Variants in TBC1D23 observed in about 807,000 individuals in gnomAD.
The protein encoded by TBC1D23 is HCV non-structural protein 4A-transactivated protein 1.
TBC1D23 carries 55 observed loss-of-function variants against 91.4 expected under a neutral mutation model. That is an observed-to-expected ratio of 0.60 (90% CI 0.48 to 0.75). The LOEUF (loss-of-function observed/expected upper bound fraction) is 0.75. TBC1D23 is among the 30% of genes least tolerant of loss of function. The pLI is 0.00. For synonymous variants in TBC1D23, 289 were observed against 281.0 expected (o/e 1.03, Z -0.28); for missense variants, 725 against 836.1 (o/e 0.87, Z 1.64).
At chr3:100,274,865 A>G (rs1015573395) in intron 1 of TBC1D23, among the ~76,000 whole-genome samples, 1 of 149,240 alleles carries the variant, frequency 6.7e-6, no homozygotes, top group Non-Finnish European at 1.5e-5. Context: ...TTTGTTTATT[A>G]ATTACATATA....
At chr3:100,295,924 A>C (rs1665286186) in intron 7 of TBC1D23, among the ~76,000 whole-genome samples, 1 of 152,220 alleles carries the variant, frequency 6.6e-6, no homozygotes, top group Admixed American at 6.5e-5. Context: ...TAATAAATAA[A>C]TCATAGAATT....
At chr3:100,266,723 C>T (rs1333060119) in intron 1 of TBC1D23, among the ~76,000 whole-genome samples, 4 of 152,088 alleles carry the variant, frequency 2.6e-5, no homozygotes, top group African/African-American at 7.2e-5. Context: ...TGCAGAGAGG[C>T]GACAAGTGCA....
Position 100,261,040 on chromosome 3 carries a change from C to G in TBC1D23, c.22C>G (p.Pro8Ala), listed in dbSNP as rs41272615. The G allele has an allele frequency of 1.1e-3, 1,756 of 1,614,022 alleles. 2 individuals carry two copies. Among genetic ancestry groups the G allele is most frequent in the Non-Finnish European group, 1.4e-3 (1,614 of 1,179,900 alleles). MAEGEDV[P>A]PLPTSSGDGW... ...AGCAATGGCGGAAGGAGAAGATGTGCCGCCGCTGCCAACGTCGAGCGGCGA... is the reference window on the plus strand; with the variant it reads ...AGCAATGGCGGAAGGAGAAGATGTGGCGCCGCTGCCAACGTCGAGCGGCGA... Residue 8 changes from proline (P) to alanine (A), a missense_variant, in exon 1 of 19, where the codon CCG (proline) becomes GCG (alanine). Transcript: ENST00000394144.
Position 100,302,248 on chromosome 3 carries a change from A to G in TBC1D23, c.1263+11A>G. 3.1e-6 allele frequency: 5 copies of G among 1,589,156 alleles called. No homozygotes were observed. The highest frequency in any genetic ancestry group is 4.3e-6 in the Non-Finnish European group (5 of 1,169,560). On this transcript the variant is annotated intron_variant, in intron 11 of 18. Transcript: ENST00000394144. ...GCACACTTTTTACAGGTATGCTGAC[A>G]TAAATTATTTCAGTTTTGTTTGGTT...
intron 15 of TBC1D23, among the ~76,000 whole-genome samples, chr3:100,314,853 A>G (rs1280934433): frequency 6.6e-6 from 1 of 152,192 alleles, no homozygotes; most frequent in East Asian, 1.9e-4. Flanking sequence ...GCTCTTGAAA[A>G]TAGAAGATTT....
At chr3:100,318,382 A>G (rs1705791005) in intron 16 of TBC1D23, among the ~76,000 whole-genome samples, 1 of 152,170 alleles carries the variant, frequency 6.6e-6, no homozygotes, top group Non-Finnish European at 1.5e-5. Flanking sequence ...CAGCAAGATA[A>G]AACGAAATCT....
chr3:100,280,348 A>T (rs2067684193), intron 2 of TBC1D23, among the ~76,000 whole-genome samples: 1 of 152,188 alleles, frequency 6.6e-6, no homozygotes, highest in Non-Finnish European at 1.5e-5. Context: ...TTAAAAATAA[A>T]AAAGGAAGTA....
At chr3:100,299,621 T>G (rs2148863701) in intron 10 of TBC1D23, among the ~76,000 whole-genome samples, 1 of 152,304 alleles carries the variant, frequency 6.6e-6, no homozygotes, top group Admixed American at 6.5e-5. Context: ...GCTATTCTCC[T>G]GCCTCACCCT....
At chr3:100,300,826 A>G (rs565529317) in intron 10 of TBC1D23, among the ~76,000 whole-genome samples, 15 of 152,202 alleles carry the variant, frequency 9.9e-5, no homozygotes, top group South Asian at 4.1e-4. Flanking sequence ...TTTAAAGAAT[A>G]TTATCAGCTT....
intron 1 of TBC1D23, 132 bp from the exon 2 acceptor site, chr3:100,279,517 G>A: frequency 1.7e-6 from 1 of 572,884 alleles, no homozygotes; most frequent in East Asian, 2.8e-5. Context: ...TGTATACCTT[G>A]GCATTACATT....
chr3:100,299,803 G>A (rs190745316), intron 10 of TBC1D23, among the ~76,000 whole-genome samples: 2 of 152,300 alleles, frequency 1.3e-5, no homozygotes, highest in African/African-American at 2.4e-5. Flanking sequence ...GAGCCACCAC[G>A]CCCAGCCCAG....
At chr3:100,321,695 A>G (rs1466172968) in intron 18 of TBC1D23, among the ~76,000 whole-genome samples, 1 of 152,208 alleles carries the variant, frequency 6.6e-6, no homozygotes, top group Admixed American at 6.5e-5. Context: ...ATATCGCAGC[A>G]CTTTTAAATA....
At chr3:100,306,412 T>TC in intron 12 of TBC1D23, 25 bp from the exon 13 acceptor site, 1 of 1,400,984 alleles carries the variant, frequency 7.1e-7, no homozygotes, top group South Asian at 1.2e-5. Context: ...TTTAGGTTTT[T>TC]CTTTTTTTTT....
At chr3:100,262,397 T>A (rs2148846538) in intron 1 of TBC1D23, among the ~76,000 whole-genome samples, 1 of 152,248 alleles carries the variant, frequency 6.6e-6, no homozygotes, top group Non-Finnish European at 1.5e-5. Flanking sequence ...AAGCCACATA[T>A]TGTAATTTAA....
Position 100,304,850 on chromosome 3 carries a change from A to G in TBC1D23, c.1268A>G (p.Asn423Ser). ...NMVLAHFLQK[N>S]KEYVSIASGG... is the part of the protein sequence containing the mutation. ...AAATTTTCTTTTCCATTACAGAAAA[A>G]CAAAGAATATGTGAGTATTGCCAGT... Residue 423 changes from asparagine (N) to serine (S), a missense_variant, in exon 12 of 19, where the codon AAC becomes AGC. By Grantham distance (46) the Asn-to-Ser change is conservative. Transcript: ENST00000394144. 6.7e-7 allele frequency: 1 copy of G among 1,485,106 alleles called. No individual in the cohort carries two copies. Among genetic ancestry groups the G allele is most frequent in the Non-Finnish European group, 9.4e-7 (1 of 1,065,672 alleles). 92.0% of individuals were successfully genotyped at this position (1,485,106 alleles called of 1,614,324 possible).
intron 13 of TBC1D23, among the ~76,000 whole-genome samples, chr3:100,307,568 T>C (rs1007201461): frequency 6.6e-6 from 1 of 152,234 alleles, no homozygotes; most frequent in African/African-American, 2.4e-5. Context: ...TCACTACCTG[T>C]GTTAGTTGAG....
intron 8 of TBC1D23, among the ~76,000 whole-genome samples, chr3:100,296,722 T>A (rs1472812105): frequency 6.6e-6 from 1 of 151,554 alleles, no homozygotes; most frequent in Non-Finnish European, 1.5e-5. Context: ...TAGCCGGGCG[T>A]GGTGGTGGGC....
intron 1 of TBC1D23, among the ~76,000 whole-genome samples, chr3:100,278,007 A>G (rs1482458083): frequency 6.6e-6 from 1 of 152,236 alleles, no homozygotes; most frequent in Non-Finnish European, 1.5e-5. Context: ...TTCAAATTCG[A>G]TGAGTACTTT....
chr3:100,316,515 T>C (rs138432907), intron 16 of TBC1D23, among the ~76,000 whole-genome samples: 1 of 152,046 alleles, frequency 6.6e-6, no homozygotes, highest in African/African-American at 2.4e-5. Context: ...GGCAGTTGAT[T>C]ATAGGTGTCT....
Sources: allele counts gnomAD v4.1 joint callset (sites outside exome capture counted in the v4.1 genomes callset), GRCh38; gene constraint gnomAD v4.1.1; transcripts MANE v1.5; gene names NCBI Gene and HGNC (gene_info 2026-07-23, HGNC 2026-07-21).